FRAS1: variants seen among roughly 807,000 people sequenced by gnomAD.
FRAS1 encodes Fraser extracellular matrix complex subunit 1.
Under a neutral mutation model 435.2 loss-of-function variants are expected in FRAS1, and 290 were observed. That is an observed-to-expected ratio of 0.67 (90% confidence interval 0.61 to 0.73). The LOEUF is 0.73. Among genes scored for constraint, FRAS1 ranks in the 30% least tolerant of loss-of-function variants. The pLI, the probability that FRAS1 is intolerant of heterozygous loss-of-function variation, is 0.00. For synonymous variants in FRAS1, 1,800 were observed against 1,851.0 expected (o/e 0.97, Z 0.71); for missense variants, 4,860 against 5,001.5 (o/e 0.97, Z 0.85).
At chr4:78,381,150 A>G (rs376180889) in intron 27 of FRAS1, among the ~76,000 whole-genome samples, 163 of 152,308 alleles carry the variant, frequency 1.1e-3, no homozygotes, top group African/African-American at 3.6e-3. Context: ...CCTCCCTAAT[A>G]TACTAGGAAC....
chr4:78,272,192 A>T (rs151178426), intron 9 of FRAS1, among the ~76,000 whole-genome samples: 50,913 of 151,746 alleles, frequency 0.34, 8,555 homozygotes, highest in Admixed American at 0.39. Context: ...TTTGAGTTCT[A>T]TGTAGATTCT....
chr4:78,061,527 G>A (rs1346903217), intron 1 of FRAS1, among the ~76,000 whole-genome samples: 3 of 152,060 alleles, frequency 2.0e-5, no homozygotes, highest in Admixed American at 6.6e-5. Flanking sequence ...GCTGAATCCC[G>A]GGTTTTTCCT....
In FRAS1 at chr4:78,115,877, G is replaced by C. The variant is rs185505732; in HGVS notation, c.108+49861G>C. On this transcript the variant is annotated intron_variant, in intron 2 of 73. Transcript: ENST00000512123. ...TATTTTTTGCCTTCTGCTAGCTTTTGAGTGTATTTTCTCTTGCTTCTCTAG... is the reference window on the plus strand; with the variant it reads ...TATTTTTTGCCTTCTGCTAGCTTTTCAGTGTATTTTCTCTTGCTTCTCTAG... Among the ~76,000 whole-genome samples the C allele has an allele frequency of 2.1e-3, 315 of 151,800 alleles. 3 individuals carry two copies. The highest frequency in any genetic ancestry group is 7.3e-3 in the African/African-American group (303 of 41,412).
chr4:78,435,929 A>G (rs1422364655), intron 38 of FRAS1, among the ~76,000 whole-genome samples: 33 of 152,190 alleles, frequency 2.2e-4, no homozygotes, highest in Non-Finnish European at 4.4e-5. Context: ...AATTTTACAA[A>G]TCTTTGTAGA....
intron 2 of FRAS1, among the ~76,000 whole-genome samples, chr4:78,200,605 C>T (rs531196808): frequency 1.2e-4 from 18 of 151,764 alleles, no homozygotes; most frequent in Non-Finnish European, 2.2e-4. Context: ...CTGATGTGAT[C>T]GATCTATTCA....
chr4:78,332,972 GT>G (rs923480674), intron 18 of FRAS1, among the ~76,000 whole-genome samples: 3 of 152,192 alleles, frequency 2.0e-5, no homozygotes, highest in Non-Finnish European at 4.4e-5. Context: ...CTGGCTTCCT[GT>G]TTTTTATTTG....
Position 78,464,457 on chromosome 4 carries a change from C to G in FRAS1, c.6903C>G (p.Phe2301Leu), listed in dbSNP as rs778480814. The G allele has an allele frequency of 2.5e-6, 4 of 1,614,004 alleles. No individual in the cohort carries two copies. The highest frequency in any genetic ancestry group is 3.4e-6 in the Non-Finnish European group (4 of 1,179,874). The change falls in exon 49 of 74, where the codon TTC becomes TTG. Residue 2301 changes from phenylalanine to leucine, a missense_variant. Phe to Leu is a conservative substitution (Grantham distance 22, BLOSUM62 0). Coordinates refer to ENST00000512123, the MANE Select transcript of FRAS1 (RefSeq NM_025074.7). Reference sequence around the variant, plus strand: ...TGCCATTCTAGGTGACTCAGACTTTCCATATCACTCTTCACCCTGTCGATG... The same window carrying G: ...TGCCATTCTAGGTGACTCAGACTTTGCATATCACTCTTCACCCTGTCGATG... ...SDGVSEVTQT[F>L]HITLHPVDDS...
intron 61 of FRAS1, among the ~76,000 whole-genome samples, chr4:78,501,414 C>T (rs1720677126): frequency 6.6e-6 from 1 of 152,090 alleles, no homozygotes; most frequent in Non-Finnish European, 1.5e-5. Context: ...GTTAATAGTG[C>T]CGCAGTAAAC....
At chr4:78,521,725 A>G (rs933930051) in intron 68 of FRAS1, 95 bp downstream of exon 68, 1 of 718,686 alleles carries the variant, frequency 1.4e-6, no homozygotes, top group Non-Finnish European at 2.3e-6. Context: ...AAAACAGTCA[A>G]CAATGATTAA....
intron 40 of FRAS1, among the ~76,000 whole-genome samples, chr4:78,439,883 C>A (rs1734585283): frequency 6.6e-6 from 1 of 152,096 alleles, no homozygotes; most frequent in Non-Finnish European, 1.5e-5. Context: ...TAGTGCAGTA[C>A]CCAGTTCATG....
At chr4:78,407,908 A>G in intron 31 of FRAS1, 67 bp downstream of exon 31, 1 of 1,357,392 alleles carries the variant, frequency 7.4e-7, no homozygotes, top group Non-Finnish European at 9.8e-7. Context: ...CTTATTTATA[A>G]TCAACTTGAG....
intron 59 of FRAS1, among the ~76,000 whole-genome samples, chr4:78,495,753 A>G (rs146491713): frequency 0.02 from 3,071 of 152,242 alleles, 105 homozygotes; most frequent in African/African-American, 0.07. Flanking sequence ...CACATTTTAG[A>G]ACCTTTATTA....
Position 78,441,190 on chromosome 4 carries a change from C to G in FRAS1, c.5558C>G (p.Ser1853Ter). Residue 1853 changes from serine to a stop codon, truncating the protein, a stop_gained, in exon 41 of 74, where the codon TCA becomes TGA. Coordinates refer to ENST00000512123, the MANE Select transcript of FRAS1 (RefSeq NM_025074.7). LOFTEE classifies it high-confidence loss of function. The part of the protein sequence containing the change: ...TVDEGGRAPL[S>*]FHHFFATDDD... ...GATGAGGGAGGGAGAGCACCACTCT[C>G]ATTTCACCATTTTTTTGCTACTGAT... 1 of 1,613,886 alleles carries G rather than the reference C, an allele frequency of 6.2e-7. No homozygotes were observed. The highest frequency in any genetic ancestry group is 8.5e-7 in the Non-Finnish European group (1 of 1,179,814).
intron 4 of FRAS1, 119 bp from the exon 5 acceptor site, chr4:78,252,273 C>A: frequency 1.0e-6 from 1 of 986,752 alleles, no homozygotes; most frequent in Non-Finnish European, 1.5e-6. Context: ...TAGCTTTATT[C>A]CACCTTTCCC....
intron 1 of FRAS1, among the ~76,000 whole-genome samples, chr4:78,059,717 T>A (rs1324815935): frequency 1.3e-5 from 2 of 151,984 alleles, no homozygotes; most frequent in Non-Finnish European, 2.9e-5. Context: ...ATGGTGCAGC[T>A]TGTCGGAACC....
At chr4:78,298,433 A>G (rs551257292) in intron 14 of FRAS1, among the ~76,000 whole-genome samples, 74 of 152,216 alleles carry the variant, frequency 4.9e-4, no homozygotes, top group African/African-American at 1.4e-3. Context: ...GTGGAAGTAT[A>G]TCATTATAAG....
At chr4:78,371,277 T>C (rs1435203902) in intron 23 of FRAS1, among the ~76,000 whole-genome samples, 1 of 152,166 alleles carries the variant, frequency 6.6e-6, no homozygotes, top group Admixed American at 6.5e-5. Context: ...TTGTAAATCT[T>C]GGAAGCACGT....
chr4:78,158,547 A>G (rs1720988774), intron 2 of FRAS1, among the ~76,000 whole-genome samples: 1 of 151,980 alleles, frequency 6.6e-6, no homozygotes, highest in African/African-American at 2.4e-5. Context: ...ATATATGCTG[A>G]AAAAAAAGAG....
chr4:78,167,197 T>C (rs1721365586), intron 2 of FRAS1, among the ~76,000 whole-genome samples: 1 of 152,190 alleles, frequency 6.6e-6, no homozygotes, highest in South Asian at 2.1e-4. Context: ...TTAATCTTGG[T>C]GCAAATTATC....
Sources: gnomAD v4.1 joint callset for allele counts (sites outside exome capture counted in the v4.1 genomes callset) on GRCh38, gnomAD v4.1.1 for gene constraint, MANE v1.5 for transcripts, NCBI Gene and HGNC (gene_info 2026-07-23, HGNC 2026-07-21) for gene names.